The following PLEKHA5 variants were observed in gnomAD, a reference collection of about 807,000 sequenced individuals.
PLEKHA5 encodes pleckstrin homology domain-containing family A member 5.
Under a neutral mutation model 181.9 loss-of-function variants are expected in PLEKHA5, and 55 were observed. The observed-to-expected ratio is 0.30, with a 90% CI of 0.24 to 0.38. PLEKHA5 has a LOEUF of 0.38. Among genes scored for constraint, PLEKHA5 ranks in the 10% least tolerant of loss-of-function variants. The probability of loss-of-function intolerance (pLI) is 1.00; values close to 1 mark genes in which losing one functional copy is unlikely to be tolerated. For synonymous variants in PLEKHA5, 535 were observed against 529.4 expected, an observed-to-expected ratio of 1.01 and a Z score of -0.15; for missense variants, 1,432 against 1,549.5, an observed-to-expected ratio of 0.92 and a Z score of 1.27.
At chr12:19,323,564 C>T (rs2091417901) in intron 20 of PLEKHA5, among the ~76,000 whole-genome samples, 1 of 150,986 alleles carries the variant, frequency 6.6e-6, no homozygotes. Flanking sequence ...ACACCGTAAT[C>T]CCAGGACTTT....
chr12:19,273,725 ATTCT>A (rs1406457118), intron 10 of PLEKHA5, among the ~76,000 whole-genome samples: 1 of 152,208 alleles, frequency 6.6e-6, no homozygotes. Flanking sequence ...TAACGAGCTC[ATTCT>A]TTCAGTGGCC....
At chr12:19,306,964 C>T in intron 15 of PLEKHA5, 1 of 1,291,218 alleles carries the variant, frequency 7.7e-7, no homozygotes, top group Non-Finnish European at 1.1e-6. Flanking sequence ...TACTCCTAAC[C>T]CACTTACTCA....
chr12:19,355,601 A>G (rs939032458), intron 26 of PLEKHA5, among the ~76,000 whole-genome samples: 3 of 151,942 alleles, frequency 2.0e-5, no homozygotes, highest in African/African-American at 4.8e-5. Context: ...TTAAAGTACA[A>G]CTACAAAGTA....
intron 20 of PLEKHA5, among the ~76,000 whole-genome samples, chr12:19,328,380 G>T (rs1373841975): frequency 6.6e-6 from 1 of 152,154 alleles, no homozygotes; most frequent in African/African-American, 2.4e-5. Flanking sequence ...TGATAGAAAT[G>T]ACATTGAATC....
intron 3 of PLEKHA5, among the ~76,000 whole-genome samples, chr12:19,250,421 TAAAA>T (rs1485123443): frequency 6.6e-6 from 1 of 152,030 alleles, no homozygotes; most frequent in East Asian, 1.9e-4. Context: ...CCCTCTCTAC[TAAAA>T]CTACAAAATT....
chr12:19,259,734 G>C (rs2067867353), intron 6 of PLEKHA5, among the ~76,000 whole-genome samples: 1 of 149,960 alleles, frequency 6.7e-6, no homozygotes, highest in East Asian at 2.0e-4. Flanking sequence ...CTGGGTGACA[G>C]TGTGAGACTG....
chr12:19,217,266 A>G (rs930468841), intron 3 of PLEKHA5, among the ~76,000 whole-genome samples: 4 of 152,222 alleles, frequency 2.6e-5, no homozygotes, highest in Admixed American at 6.5e-5. Flanking sequence ...GATGATTGAT[A>G]TGATAGTAAA....
intron 3 of PLEKHA5, among the ~76,000 whole-genome samples, chr12:19,240,963 T>C (rs1005963858): frequency 6.6e-6 from 1 of 152,180 alleles, no homozygotes; most frequent in Non-Finnish European, 1.5e-5. Flanking sequence ...ATTTTTATTC[T>C]GTTATGTGGC....
chr12:19,291,389 T>C (rs781744503), intron 14 of PLEKHA5, among the ~76,000 whole-genome samples: 11 of 152,188 alleles, frequency 7.2e-5, no homozygotes, highest in Non-Finnish European at 1.6e-4. Context: ...GCTAAAGCTA[T>C]TTTAAGGAAT....
At chr12:19,340,930 C>CCCAAGAAT (rs1193809134) in intron 21 of PLEKHA5, among the ~76,000 whole-genome samples, 2 of 135,854 alleles carry the variant, frequency 1.5e-5, no homozygotes, top group Non-Finnish European at 1.6e-5. Flanking sequence ...GCGAGAAACA[C>CCCAAGAAT]CCAAGAATGA....
intron 5 of PLEKHA5, among the ~76,000 whole-genome samples, chr12:19,256,074 A>T (rs1222843497): frequency 6.6e-6 from 1 of 152,110 alleles, no homozygotes; most frequent in African/African-American, 2.4e-5. Context: ...TGAATCAATA[A>T]GAAAAGGGCT....
chr12:19,300,723 A>G (rs959303050), intron 15 of PLEKHA5, among the ~76,000 whole-genome samples: 35 of 152,234 alleles, frequency 2.3e-4, no homozygotes, highest in Non-Finnish European at 2.9e-4. Context: ...ACATAAGCTG[A>G]TAAATCTTTG....
intron 3 of PLEKHA5, among the ~76,000 whole-genome samples, chr12:19,245,704 G>A (rs368113830): frequency 1.8e-4 from 25 of 137,706 alleles, no homozygotes; most frequent in African/African-American, 7.2e-4. Flanking sequence ...TACTGCCTGG[G>A]GAACGAGAGT....
chr12:19,274,873 G>C lies in PLEKHA5; in HGVS notation c.1203G>C (p.Gly401=). 1 of 1,614,002 alleles carries C rather than the reference G, an allele frequency of 6.2e-7. No homozygotes were observed. The highest frequency in any genetic ancestry group is 8.5e-7 in the Non-Finnish European group (1 of 1,179,996). The stretch of plus-strand genomic sequence containing the variant: ...GAGGTGGAAATCGCCCCAATACAGG[G>C]CCCTTATACACAGAGGCCGATCGAG... The part of the protein sequence containing the change: ...DLRGGNRPNT[G]PLYTEADRVI... Residue 401 remains glycine (G), a synonymous_variant, in exon 11 of 32, where the codon GGG becomes GGC. Coordinates refer to ENST00000429027, the MANE Select transcript of PLEKHA5 (RefSeq NM_001256470.2).
At chr12:19,139,400 C>T (rs183656056) in intron 3 of PLEKHA5, among the ~76,000 whole-genome samples, 127 of 152,202 alleles carry the variant, frequency 8.3e-4, no homozygotes, top group Non-Finnish European at 1.4e-3. Flanking sequence ...TTTTTACTCC[C>T]CTCAAAAAGC....
chr12:19,180,174 A>C (rs529406294), intron 3 of PLEKHA5, among the ~76,000 whole-genome samples: 1 of 152,302 alleles, frequency 6.6e-6, no homozygotes, highest in East Asian at 1.9e-4. Flanking sequence ...AGCAAATCTC[A>C]AACTGTCAGC....
At position 19,352,629 on chromosome 12, in the gene PLEKHA5, G is replaced by T. The variant is rs916355249; in HGVS notation, c.3020-1255G>T. 4.1e-5 allele frequency among the ~76,000 whole-genome samples: 6 copies of T among 146,932 alleles called. No homozygotes were observed. In the South Asian group the frequency reaches 1.1e-3, roughly 26 times the overall value. ...GAGATGGGTCTGTGTTGAGCAGGCT[G>T]GTCTCAAACTCCTGGCCTCAAGTGA... On this transcript the variant is annotated intron_variant, in intron 25 of 31. Transcript: ENST00000429027.
Position 19,270,229 on chromosome 12 carries a change from C to G in PLEKHA5, c.845+24C>G, listed in dbSNP as rs1213124900. On this transcript the variant is annotated intron_variant, in intron 10 of 31. Coordinates refer to ENST00000429027, the MANE Select transcript of PLEKHA5 (RefSeq NM_001256470.2). ...CGGTGAGTACGTTTTTAATTGTTAC[C>G]TTAAAGCTACACAGATTTTTATCCT... 3.1e-6 allele frequency: 4 copies of G among 1,304,172 alleles called. No individual in the cohort carries two copies. In the East Asian group the frequency reaches 7.7e-5, roughly 25 times the overall value. The allele number at this position is 1,304,172 out of a possible 1,614,324, so 80.8% of individuals were successfully genotyped here.
At chr12:19,307,246 G>T in intron 15 of PLEKHA5, 1 of 506,720 alleles carries the variant, frequency 2.0e-6, no homozygotes, top group Non-Finnish European at 3.6e-6. Context: ...GCTGAGGAGG[G>T]TGGATCACTT....
Sources: allele counts gnomAD v4.1 joint callset (sites outside exome capture counted in the v4.1 genomes callset), GRCh38; gene constraint gnomAD v4.1.1; transcripts MANE v1.5; gene names NCBI Gene and HGNC (gene_info 2026-07-23, HGNC 2026-07-21).